FGFR1OP2: variants seen among roughly 807,000 people sequenced by gnomAD.
FGFR1OP2 encodes fibroblast growth factor receptor 1 oncogene partner 2.
FGFR1OP2 carries 17 observed loss-of-function variants against 35.2 expected under a neutral mutation model. The observed-to-expected ratio is 0.48, with a 90% CI of 0.33 to 0.73. The LOEUF is 0.73. Among genes scored for constraint, FGFR1OP2 ranks in the 30% least tolerant of loss-of-function variants. The pLI is 0.02. For synonymous variants in FGFR1OP2, 105 were observed against 104.6 expected (o/e 1.00, Z -0.03); for missense variants, 251 against 307.3 (o/e 0.82, Z 1.37).
chr12:26,947,002 G>A (rs145192997), intron 1 of FGFR1OP2, among the ~76,000 whole-genome samples: 1,543 of 151,752 alleles, frequency 0.01, 8 homozygotes, highest in Non-Finnish European at 0.014. Context: ...CTGTTTCAGG[G>A]CATCATTCCC....
intron 4 of FGFR1OP2, among the ~76,000 whole-genome samples, chr12:26,958,849 G>A (rs892864380): frequency 5.9e-5 from 9 of 152,104 alleles, no homozygotes; most frequent in African/African-American, 1.9e-4. Flanking sequence ...AAACTAGATT[G>A]TGGAAACTAG....
intron 1 of FGFR1OP2, among the ~76,000 whole-genome samples, chr12:26,949,221 C>T (rs7973588): frequency 0.076 from 11,541 of 151,210 alleles, 541 homozygotes; most frequent in East Asian, 0.14. Context: ...CTGCAACCTC[C>T]ACCTCCCAGG....
rs149266244 is a variant in FGFR1OP2 at position 26,959,686 on chromosome 12, A to G, written c.397-829A>G. On this transcript the variant is annotated intron_variant, in intron 4 of 6. Transcript: ENST00000229395. ...ATTATGTAGATTGAATTCTTCATCTAAGTTCAGATGATCCTTGCCTCCCAT... is the reference window on the plus strand; with the variant it reads ...ATTATGTAGATTGAATTCTTCATCTGAGTTCAGATGATCCTTGCCTCCCAT... Among the ~76,000 whole-genome samples the G allele has an allele frequency of 4.5e-3, 679 of 152,314 alleles. 14 individuals are homozygous for G. The highest frequency in any genetic ancestry group is 0.034 in the Admixed American group (525 of 15,302).
At chr12:26,941,170 T>C (rs1415296092) in intron 1 of FGFR1OP2, among the ~76,000 whole-genome samples, 1 of 151,892 alleles carries the variant, frequency 6.6e-6, no homozygotes, top group Non-Finnish European at 1.5e-5. Context: ...ATAATGTAAG[T>C]AAGTGTATTA....
At chr12:26,953,643 G>A (rs1052606456) in intron 1 of FGFR1OP2, 1 of 152,168 alleles carries the variant, frequency 6.6e-6, no homozygotes, top group Non-Finnish European at 1.5e-5. Flanking sequence ...ATGACACATT[G>A]AGGCCACTTC....
At chr12:26,963,650 A>G (rs1175359564) in intron 6 of FGFR1OP2, among the ~76,000 whole-genome samples, 195 bp downstream of exon 6, 5 of 152,180 alleles carry the variant, frequency 3.3e-5, no homozygotes, top group African/African-American at 1.2e-4. Flanking sequence ...GTAACTTACA[A>G]TATACCAGTA....
Position 26,963,391 on chromosome 12 carries a change from G to C in FGFR1OP2, c.560G>C (p.Arg187Thr). 2 of 1,609,166 alleles carry C rather than the reference G, an allele frequency of 1.2e-6. No homozygotes were observed. Among genetic ancestry groups the C allele is most frequent in the Non-Finnish European group, 8.5e-7 (1 of 1,177,012 alleles). The change falls in exon 6 of 7, where the codon AGG becomes ACG. Residue 187 changes from arginine (R) to threonine (T), a missense_variant. Coordinates refer to ENST00000229395, the MANE Select transcript of FGFR1OP2 (RefSeq NM_015633.3). ...DQITEMAAVM[R>T]KAIEIDEQQG... ...ATAACTGAAATGGCAGCAGTAATGA[G>C]GAAAGCCATTGAAATTGACGAGCAA...
At position 26,965,702 on chromosome 12, in the gene FGFR1OP2, G is replaced by A; in HGVS notation, c.*969G>A. The A allele has an allele frequency of 6.6e-6, 1 of 151,308 alleles. No homozygotes were observed. The highest frequency in any genetic ancestry group is 6.6e-5 in the Admixed American group (1 of 15,208). The allele number at this position is 151,308 out of a possible 1,614,324, so 9.4% of individuals were successfully genotyped here. ...ATACAATTTCAAAAAAAAAGTTCCG[G>A]ATCTGTTTTTAAGCTCCATCTGGTC... is the stretch of plus-strand genomic sequence containing the variant. On this transcript the variant is annotated 3_prime_UTR_variant, in exon 7 of 7. Coordinates refer to ENST00000229395, the MANE Select transcript of FGFR1OP2 (RefSeq NM_015633.3).
At chr12:26,950,544 A>C (rs1295668708) in intron 1 of FGFR1OP2, among the ~76,000 whole-genome samples, 2 of 152,116 alleles carry the variant, frequency 1.3e-5, no homozygotes, top group Non-Finnish European at 2.9e-5. Flanking sequence ...TTGTTTTTAA[A>C]AGGATATCTG....
Position 26,957,694 on chromosome 12 carries a change from A to G in FGFR1OP2, c.347A>G (p.Lys116Arg), listed in dbSNP as rs1939044877. 1.9e-6 allele frequency: 3 copies of G among 1,613,868 alleles called. No individual in the cohort carries two copies. Among genetic ancestry groups the G allele is most frequent in the East Asian group, 4.5e-5 (2 of 44,806 alleles). ...EQMFRLLMAS[K>R]KDDPGIIMKL... ...ATGTTTAGATTGCTAATGGCTAGCA[A>G]AAAAGATGATCCGGGTATAATAATG... Residue 116 changes from lysine to arginine, a missense_variant, in exon 4 of 7, where the codon AAA (lysine) becomes AGA (arginine). Coordinates refer to ENST00000229395, the MANE Select transcript of FGFR1OP2 (RefSeq NM_015633.3).
intron 6 of FGFR1OP2, 110 bp from the exon 7 acceptor site, chr12:26,964,486 C>A: frequency 3.3e-6 from 4 of 1,206,820 alleles, no homozygotes; most frequent in Middle Eastern, 2.2e-4. Context: ...AATTACAGAC[C>A]TTGCTTGTTT....
intron 1 of FGFR1OP2, among the ~76,000 whole-genome samples, chr12:26,945,148 A>T (rs1241632739): frequency 1.3e-5 from 2 of 151,004 alleles, no homozygotes; most frequent in Middle Eastern, 3.4e-3. Flanking sequence ...TTCAATTTTT[A>T]TTTTTTTCCA....
At position 26,963,463 on chromosome 12, in the gene FGFR1OP2, T is replaced by C; in HGVS notation, c.624+8T>C. 1 of 1,562,852 alleles carries C rather than the reference T, an allele frequency of 6.4e-7. No individual in the cohort carries two copies. Among genetic ancestry groups the C allele is most frequent in the Non-Finnish European group, 8.8e-7 (1 of 1,140,872 alleles). Reference sequence around the variant, plus strand: ...CGAATATTTCAACTTGAAGTAAGTTTTACATTGCAAATGTAGATGAAAACT... The same window carrying C: ...CGAATATTTCAACTTGAAGTAAGTTCTACATTGCAAATGTAGATGAAAACT... On this transcript the variant is annotated splice_region_variant and intron_variant, in intron 6 of 6. Coordinates refer to ENST00000229395, the MANE Select transcript of FGFR1OP2 (RefSeq NM_015633.3).
intron 5 of FGFR1OP2, chr12:26,961,957 A>G (rs1470705819): frequency 6.6e-6 from 1 of 152,212 alleles, no homozygotes; most frequent in African/African-American, 2.4e-5. Context: ...AGAATATGAC[A>G]GATACTTGTC....
At chr12:26,946,024 A>C (rs1938815766) in intron 1 of FGFR1OP2, among the ~76,000 whole-genome samples, 1 of 152,292 alleles carries the variant, frequency 6.6e-6, no homozygotes, top group East Asian at 1.9e-4. Context: ...ATAAATATCA[A>C]TTCAAGCCAG....
In FGFR1OP2 at chr12:26,964,765, G is replaced by A. The variant is rs753470029; in HGVS notation, c.*32G>A. On this transcript the variant is annotated 3_prime_UTR_variant, in exon 7 of 7. Transcript: ENST00000229395. ...TCTGAGTCTGTGAGCTTCTTACATG[G>A]CTCCAAATGGTCAAATAAGTGAATG... 5.7e-6 allele frequency: 9 copies of A among 1,590,872 alleles called. No individual in the cohort carries two copies. The highest frequency in any genetic ancestry group is 7.7e-6 in the Non-Finnish European group (9 of 1,168,214).
rs745905659 is a variant in FGFR1OP2, at chr12:26,956,647, A to G, written c.240A>G (p.Gln80=). ...AAAACAGACAAATCAGAGAGTTGCA[A>G]CAAGAAAACAAAGGTAAGATACGTT... is the stretch of plus-strand genomic sequence containing the variant. ...QQENRQIREL[Q]QENKELRTSL... The change falls in exon 3 of 7, where the codon CAA becomes CAG. Residue 80 remains glutamine (Q), a synonymous_variant. Transcript: ENST00000229395. 2.5e-6 allele frequency: 4 copies of G among 1,582,060 alleles called. No individual in the cohort carries two copies. The Admixed American group carries it at 7.1e-5, about 28-fold the overall frequency.
intron 4 of FGFR1OP2, among the ~76,000 whole-genome samples, chr12:26,959,065 T>C (rs1283892637): frequency 6.6e-6 from 1 of 152,114 alleles, no homozygotes; most frequent in Non-Finnish European, 1.5e-5. Context: ...TTTTAACTTA[T>C]TAGTAATTAA....
chr12:26,948,375 CTT>C (rs1460384938), intron 1 of FGFR1OP2, among the ~76,000 whole-genome samples: 2 of 152,268 alleles, frequency 1.3e-5, no homozygotes, highest in Non-Finnish European at 1.5e-5. Context: ...CTGAGAATGA[CTT>C]TTATTTCACC....
Sources: allele counts gnomAD v4.1 joint callset (sites outside exome capture counted in the v4.1 genomes callset), GRCh38; gene constraint gnomAD v4.1.1; transcripts MANE v1.5; gene names NCBI Gene and HGNC (gene_info 2026-07-23, HGNC 2026-07-21).